KIAA0586: variants seen among roughly 807,000 people sequenced by gnomAD.
KIAA0586 encodes the protein KIAA0586.
In KIAA0586, 144 loss-of-function variants were observed where a neutral mutation model predicts 169.8. The ratio of observed to expected loss-of-function variants is 0.85; its 90% CI spans 0.74 to 0.97. The LOEUF is 0.97. Among genes scored for constraint, KIAA0586 ranks in the 50% least tolerant of loss-of-function variants. KIAA0586 has a pLI of 0.00. For synonymous variants in KIAA0586, 625 were observed against 612.4 expected, an observed-to-expected ratio of 1.02 and a Z score of -0.30; for missense variants, 1,854 against 1,823.0, an observed-to-expected ratio of 1.02 and a Z score of -0.31.
Position 58,508,591 on chromosome 14 carries a change from C to T in KIAA0586, c.4205C>T (p.Pro1402Leu). The change falls in exon 28 of 31, where the codon CCA (proline) becomes CTA (leucine). Residue 1402 changes from proline to leucine, a missense_variant. By Grantham distance (98) the Pro-to-Leu change is moderately conservative. Coordinates refer to ENST00000652326, the MANE Select transcript of KIAA0586 (RefSeq NM_001329943.3). ...GAAGATTCATGTGCTAGTCATGGTC[C>T]AATGAGTTTGGGAGAATTGGAGTTG... ...IYEDSCASHG[P>L]MSLGELELEP... The T allele has an allele frequency of 1.9e-6, 3 of 1,597,924 alleles. No individual in the cohort carries two copies. Among genetic ancestry groups the T allele is most frequent in the Non-Finnish European group, 2.6e-6 (3 of 1,171,534 alleles).
Position 58,427,985 on chromosome 14 carries a change from G to A in KIAA0586, c.-280G>A. 1.4e-6 allele frequency: 2 copies of A among 1,423,032 alleles called. No individual in the cohort carries two copies. The highest frequency in any genetic ancestry group is 1.8e-6 in the Non-Finnish European group (2 of 1,095,024). 88.2% of individuals were successfully genotyped at this position (1,423,032 alleles called of 1,614,324 possible). A position where few individuals can be genotyped will look rare whatever the true frequency, so the allele number is the denominator to read the frequency against. Reference sequence around the variant, plus strand: ...CAGCTCTGGGGTTGGGGAGTGCACTGTTATGGTTATTGTTGCTCCTGTGGC... The same window carrying A: ...CAGCTCTGGGGTTGGGGAGTGCACTATTATGGTTATTGTTGCTCCTGTGGC... On this transcript the variant is annotated 5_prime_UTR_variant, in exon 1 of 31. Transcript: ENST00000652326.
At chr14:58,508,951 C>T (rs1019392028) in intron 28 of KIAA0586, among the ~76,000 whole-genome samples, 4 of 152,074 alleles carry the variant, frequency 2.6e-5, no homozygotes, top group Non-Finnish European at 4.4e-5. Context: ...AAATAATGGC[C>T]AGGTGCAATG....
chr14:58,452,411 A>G (rs767022335), intron 8 of KIAA0586, among the ~76,000 whole-genome samples: 3 of 152,240 alleles, frequency 2.0e-5, no homozygotes, highest in Non-Finnish European at 4.4e-5. Context: ...GTCTTATCTT[A>G]GACACATTTA....
At position 58,550,368 on chromosome 14, in the gene KIAA0586, C is replaced by A. The variant is rs1361540026; in HGVS notation, c.*2436C>A. On this transcript the variant is annotated 3_prime_UTR_variant, in exon 31 of 31. Transcript: ENST00000652326. ...CTCCTGTACACATTCCTCTGCCAACCACTTCAGATTCTTTTGGAATAAGAC... is the reference window on the plus strand; with the variant it reads ...CTCCTGTACACATTCCTCTGCCAACAACTTCAGATTCTTTTGGAATAAGAC... 6.6e-6 allele frequency: 1 copy of A among 152,150 alleles called. No individual in the cohort carries two copies. The highest frequency in any genetic ancestry group is 1.9e-4 in the East Asian group (1 of 5,200). The allele number at this position is 152,150 out of a possible 1,614,324, so 9.4% of individuals were successfully genotyped here.
At chr14:58,472,835 C>G (rs1054610177) in intron 18 of KIAA0586, among the ~76,000 whole-genome samples, 3 of 149,508 alleles carry the variant, frequency 2.0e-5, no homozygotes, top group African/African-American at 7.4e-5. Context: ...CACATTTGAT[C>G]AAGTTTCTTT....
intron 12 of KIAA0586, among the ~76,000 whole-genome samples, chr14:58,459,534 T>A (rs2040157184): frequency 6.6e-6 from 1 of 152,144 alleles, no homozygotes; most frequent in Non-Finnish European, 1.5e-5. Flanking sequence ...TTAGCAAAAT[T>A]CATATGGTTC....
chr14:58,511,704 C>T lies in KIAA0586; in HGVS notation c.4324-818C>T, dbSNP rs78403914. Among the ~76,000 whole-genome samples the T allele has an allele frequency of 6.9e-3, 1,050 of 152,242 alleles. 7 individuals carry two copies. The highest frequency in any genetic ancestry group is 0.026 in the East Asian group (134 of 5,172). On this transcript the variant is annotated intron_variant, in intron 28 of 30. Coordinates refer to ENST00000652326, the MANE Select transcript of KIAA0586 (RefSeq NM_001329943.3). Reference sequence around the variant, plus strand: ...TTAAGGCTAGTTATTATTACTGCAGCTTAGAGCTACTAATTTTTACCCCTA... The same window carrying T: ...TTAAGGCTAGTTATTATTACTGCAGTTTAGAGCTACTAATTTTTACCCCTA...
chr14:58,446,808 G>A (rs1322259538), intron 6 of KIAA0586, among the ~76,000 whole-genome samples: 2 of 152,026 alleles, frequency 1.3e-5, no homozygotes, highest in Non-Finnish European at 2.9e-5. Context: ...AATTGAGCAC[G>A]CAGCAAATTA....
intron 29 of KIAA0586, among the ~76,000 whole-genome samples, chr14:58,536,076 CTG>C (rs1469449142): frequency 6.6e-6 from 1 of 151,828 alleles, no homozygotes; most frequent in Non-Finnish European, 1.5e-5. Flanking sequence ...ATGAGTATAA[CTG>C]TTATAAAGCC....
intron 21 of KIAA0586, among the ~76,000 whole-genome samples, chr14:58,484,894 A>ATATATATATTTATATATATTTT (rs1397286434): frequency 0.11 from 652 of 5,818 alleles, 192 homozygotes; most frequent in East Asian, 0.15. Flanking sequence ...ATATATTTAT[A>ATATATATATTTATATATATTTT]TATATATATA....
intron 27 of KIAA0586, among the ~76,000 whole-genome samples, chr14:58,506,304 A>G (rs2043935628): frequency 6.6e-6 from 1 of 152,210 alleles, no homozygotes; most frequent in Admixed American, 6.5e-5. Context: ...AATTAATCTT[A>G]TGTTAGATAA....
chr14:58,542,380 G>A (rs953186778), intron 30 of KIAA0586, among the ~76,000 whole-genome samples: 4 of 152,080 alleles, frequency 2.6e-5, no homozygotes, highest in Admixed American at 2.6e-4. Flanking sequence ...AGGAGGCTGA[G>A]GCAGGAGAAT....
intron 29 of KIAA0586, among the ~76,000 whole-genome samples, chr14:58,531,342 T>C (rs139433163): frequency 7.0e-6 from 1 of 142,390 alleles, no homozygotes; most frequent in Non-Finnish European, 1.5e-5. Context: ...AAAAAAAAAA[T>C]AAAATAAATA....
At chr14:58,483,382 A>T (rs1420919732) in intron 21 of KIAA0586, among the ~76,000 whole-genome samples, 1 of 152,196 alleles carries the variant, frequency 6.6e-6, no homozygotes, top group African/African-American at 2.4e-5. Flanking sequence ...TTTAAAAACC[A>T]TTTGAAAGTT....
intron 29 of KIAA0586, 57 bp from the exon 30 acceptor site, chr14:58,540,014 T>C: frequency 9.8e-7 from 1 of 1,015,824 alleles, no homozygotes; most frequent in Non-Finnish European, 1.5e-6. Context: ...TAGGAATGAA[T>C]CATGATTATT....
downstream of KIAA0586, among the ~76,000 whole-genome samples, chr14:58,555,463 T>C (rs1418014387): frequency 6.6e-6 from 1 of 152,184 alleles, no homozygotes; most frequent in Non-Finnish European, 1.5e-5. Flanking sequence ...ACTACTAATA[T>C]ATATTTATAA....
Position 58,432,443 on chromosome 14 carries a change from A to C in KIAA0586, c.396A>C (p.Thr132=). 6.4e-7 allele frequency: 1 copy of C among 1,554,876 alleles called. No individual in the cohort carries two copies. Among genetic ancestry groups the C allele is most frequent in the Non-Finnish European group, 8.7e-7 (1 of 1,145,078 alleles). The change falls in exon 4 of 31, where the codon ACA becomes ACC. Residue 132 remains threonine (T), a synonymous_variant. Coordinates refer to ENST00000652326, the MANE Select transcript of KIAA0586 (RefSeq NM_001329943.3). ...YTMGQKDALR[T]VLKQKAQSMP... is the part of the protein sequence containing the mutation. Reference sequence around the variant, plus strand: ...TGGGACAGAAAGATGCTCTAAGAACAGTTTTAAAGCAAAAGTAAGTTTCAT... The same window carrying C: ...TGGGACAGAAAGATGCTCTAAGAACCGTTTTAAAGCAAAAGTAAGTTTCAT...
At chr14:58,437,704 CAAAAAAAAAAAAAA>C (rs71107947) in intron 4 of KIAA0586, among the ~76,000 whole-genome samples, 1 of 61,618 alleles carries the variant, frequency 1.6e-5, no homozygotes, top group African/African-American at 6.7e-5. Flanking sequence ...GATCCTGTCT[CAAAAAAAAAAAAAA>C]AAAAAAAAAA....
rs772489368 is a variant in KIAA0586, at chr14:58,487,032, C to T, written c.3170C>T (p.Thr1057Ile). ...LPARVCTPLP[T>I]PQPTPPCSPS... ...GCAAGAGTGTGCACCCCACTGCCTA[C>T]CCCACAGCCTACGCCTCCTTGCTCA... Residue 1057 changes from threonine (T) to isoleucine (I), a missense_variant, in exon 22 of 31, where the codon ACC becomes ATC. Physicochemically the swap from Thr to Ile is moderately conservative, Grantham distance 89. Transcript: ENST00000652326. 7 of 1,612,140 alleles carry T rather than the reference C, an allele frequency of 4.3e-6. No homozygotes were observed. The highest frequency in any genetic ancestry group is 4.5e-5 in the East Asian group (2 of 44,862).
Sources: allele counts gnomAD v4.1 joint callset (sites outside exome capture counted in the v4.1 genomes callset), GRCh38; gene constraint gnomAD v4.1.1; transcripts MANE v1.5; gene names NCBI Gene and HGNC (gene_info 2026-07-23, HGNC 2026-07-21).